The following FOXP4 variants were observed in gnomAD, a reference collection of about 807,000 sequenced individuals.
FOXP4 encodes the protein forkhead box P4.
A neutral mutation model predicts 82.6 loss-of-function variants in FOXP4; 25 were observed. That is an observed-to-expected ratio of 0.30 (90% CI 0.22 to 0.42). The LOEUF is 0.42. Among genes scored for constraint, FOXP4 ranks in the 10% least tolerant of loss-of-function variants. FOXP4 has a pLI of 1.00. For missense variants in FOXP4, 785 were observed against 900.9 expected, an observed-to-expected ratio of 0.87 and a Z score of 1.65; for synonymous variants, 415 against 388.2, an observed-to-expected ratio of 1.07 and a Z score of -0.81.
chr6:41,579,665 C>T (rs1765686391), intron 3 of FOXP4, among the ~76,000 whole-genome samples: 1 of 152,130 alleles, frequency 6.6e-6, no homozygotes, highest in Admixed American at 6.6e-5. Context: ...AGGAAACTCC[C>T]TCCCTCCAAA....
At chr6:41,596,918 G>A (rs993309163) in intron 14 of FOXP4, among the ~76,000 whole-genome samples, 39 of 152,118 alleles carry the variant, frequency 2.6e-4, no homozygotes, top group Admixed American at 2.6e-4. Context: ...TCCCAGCTCC[G>A]AGACCTGGAC....
Position 41,598,772 on chromosome 6 carries a change from C to G in FOXP4, c.1896-17C>G. 1 of 1,552,530 alleles carries G rather than the reference C, an allele frequency of 6.4e-7. No homozygotes were observed. The highest frequency in any genetic ancestry group is 1.4e-5 in the African/African-American group (1 of 73,452). ...AGAGGACAGCCGCCTGGTGCCCATG[C>G]CATACTTTTGCCTCAGCCACCAGGT... is the stretch of plus-strand genomic sequence containing the variant. On this transcript the variant is annotated splice_polypyrimidine_tract_variant and intron_variant, in intron 16 of 16. Transcript: ENST00000307972.
chr6:41,595,889 C>G (rs1766804354), intron 14 of FOXP4, among the ~76,000 whole-genome samples: 1 of 151,148 alleles, frequency 6.6e-6, no homozygotes, highest in African/African-American at 2.4e-5. Flanking sequence ...TAGGCGTGCA[C>G]CAGCGCACCT....
rs1185080519 is a variant in FOXP4 at position 41,600,108 on chromosome 6, T to G, written c.*1172T>G. 6.6e-6 allele frequency: 1 copy of G among 152,540 alleles called. No homozygotes were observed. The highest frequency in any genetic ancestry group is 1.5e-5 in the Non-Finnish European group (1 of 68,036). 9.4% of individuals were successfully genotyped at this position (152,540 alleles called of 1,614,324 possible). A position where few individuals can be genotyped will look rare whatever the true frequency, so the allele number is the denominator to read the frequency against. ...GTGTCTGTTGGTGGCCAAGACCTTC[T>G]CTCTCCACCCCTCCTCCATCCACCC... On this transcript the variant is annotated 3_prime_UTR_variant, in exon 17 of 17. Transcript: ENST00000307972.
intron 2 of FOXP4, among the ~76,000 whole-genome samples, chr6:41,574,504 T>C (rs1765368721): frequency 6.6e-6 from 1 of 152,252 alleles, no homozygotes; most frequent in East Asian, 1.9e-4. Context: ...CAGCCTCCCG[T>C]ATTCAGCCTA....
chr6:41,580,803 G>C (rs1052392706), intron 3 of FOXP4, among the ~76,000 whole-genome samples: 1 of 152,174 alleles, frequency 6.6e-6, no homozygotes, highest in Admixed American at 6.5e-5. Flanking sequence ...GAGATCAAGC[G>C]CAGCTCCTTT....
At chr6:41,559,234 A>G (rs1204150241) in intron 1 of FOXP4, among the ~76,000 whole-genome samples, 2 of 152,076 alleles carry the variant, frequency 1.3e-5, no homozygotes, top group Non-Finnish European at 2.9e-5. Context: ...TTCTCCATTT[A>G]CTTGTGTATT....
chr6:41,562,906 G>T (rs931164877), intron 1 of FOXP4, among the ~76,000 whole-genome samples: 5 of 152,234 alleles, frequency 3.3e-5, no homozygotes, highest in Admixed American at 1.3e-4. Flanking sequence ...GGGTGATGGA[G>T]CCCTGTGCTG....
At chr6:41,569,347 C>A (rs1015436546) in intron 2 of FOXP4, among the ~76,000 whole-genome samples, 12 of 152,264 alleles carry the variant, frequency 7.9e-5, no homozygotes, top group Admixed American at 2.0e-4. Flanking sequence ...GCCCATCCGT[C>A]CCCTCCCTCG....
At chr6:41,598,254 TCAC>T (rs1280878998) in intron 16 of FOXP4, among the ~76,000 whole-genome samples, 2 of 148,422 alleles carry the variant, frequency 1.3e-5, no homozygotes, top group Non-Finnish European at 3.0e-5. Context: ...TCTCGCTCTG[TCAC>T]CCAGGCTGGA....
At chr6:41,566,571 G>A (rs1048847438) in intron 2 of FOXP4, among the ~76,000 whole-genome samples, 5 of 152,104 alleles carry the variant, frequency 3.3e-5, no homozygotes, top group Non-Finnish European at 7.4e-5. Context: ...TGCAGAGTTC[G>A]GGAGTTTAAG....
chr6:41,570,079 G>C (rs868094822), intron 2 of FOXP4: 49 of 123,952 alleles, frequency 4.0e-4, no homozygotes, highest in Admixed American at 8.9e-4. Flanking sequence ...ACCACCCCCT[G>C]ACACACACAC....
At chr6:41,592,951 G>A (rs1415980413) in intron 13 of FOXP4, among the ~76,000 whole-genome samples, 1 of 152,164 alleles carries the variant, frequency 6.6e-6, no homozygotes, top group Non-Finnish European at 1.5e-5. Flanking sequence ...CCAGTAAGAA[G>A]CATCTGGGCT....
At chr6:41,576,746 A>C (rs1481651567) in intron 2 of FOXP4, among the ~76,000 whole-genome samples, 1 of 152,138 alleles carries the variant, frequency 6.6e-6, no homozygotes, top group Admixed American at 6.5e-5. Flanking sequence ...GTAGTTTCCC[A>C]GTTTTGCAGA....
chr6:41,598,731 G>T, intron 16 of FOXP4, 58 bp from the exon 17 acceptor site: 1 of 1,547,262 alleles, frequency 6.5e-7, no homozygotes, highest in Non-Finnish European at 8.7e-7. Flanking sequence ...TTGGGGGGCA[G>T]GGGGCAGAGG....
At chr6:41,596,758 A>T (rs1766860074) in intron 14 of FOXP4, among the ~76,000 whole-genome samples, 1 of 152,078 alleles carries the variant, frequency 6.6e-6, no homozygotes, top group Non-Finnish European at 1.5e-5. Flanking sequence ...AAAATCTAGG[A>T]TGGCAAGACA....
intron 2 of FOXP4, 47 bp from the exon 3 acceptor site, chr6:41,577,939 C>T (rs995739255): frequency 6.9e-6 from 10 of 1,446,226 alleles, no homozygotes; most frequent in Non-Finnish European, 8.6e-6. Flanking sequence ...ATCCCTGGAT[C>T]CCACCCAGCC....
chr6:41,572,145 C>T (rs1765232938), intron 2 of FOXP4, among the ~76,000 whole-genome samples: 2 of 152,212 alleles, frequency 1.3e-5, no homozygotes, highest in African/African-American at 4.8e-5. Flanking sequence ...CCACTCTTCT[C>T]TTGGCCACAC....
chr6:41,584,987 G>A, intron 4 of FOXP4, 96 bp downstream of exon 4: 1 of 1,438,552 alleles, frequency 7.0e-7, no homozygotes, highest in Non-Finnish European at 9.2e-7. Flanking sequence ...AGCTGTCCCA[G>A]AAACCAGAGA....
Sources: allele counts gnomAD v4.1 joint callset (sites outside exome capture counted in the v4.1 genomes callset), GRCh38; gene constraint gnomAD v4.1.1; transcripts MANE v1.5; gene names NCBI Gene and HGNC (gene_info 2026-07-23, HGNC 2026-07-21).